Variants in ANKRD26 observed in about 807,000 individuals in gnomAD.
The protein encoded by ANKRD26 is ankyrin repeat domain-containing protein 26.
A neutral mutation model predicts 208.7 loss-of-function variants in ANKRD26; 141 were observed. The observed-to-expected ratio is 0.68, with a 90% confidence interval of 0.59 to 0.78. ANKRD26 has a LOEUF of 0.78. Ranked by LOEUF, ANKRD26 falls within the 30% of genes least tolerant of loss-of-function variation. ANKRD26 has a pLI of 0.00. For synonymous variants in ANKRD26, 636 were observed against 660.4 expected (o/e 0.96, Z 0.57); for missense variants, 1,889 against 1,938.7 (o/e 0.97, Z 0.48).
chr10:27,033,495 A>C (rs2053947739), intron 24 of ANKRD26, 118 bp from the exon 25 acceptor site: 1 of 1,021,856 alleles, frequency 9.8e-7, no homozygotes, highest in African/African-American at 1.6e-5. Flanking sequence ...ATATTACCAC[A>C]TACATTGATT....
In ANKRD26 at chr10:27,017,730, C is replaced by A. The variant is rs552031641; in HGVS notation, c.4278G>T (p.Lys1426Asn). The change falls in exon 30 of 34, where the codon AAG (lysine) becomes AAT (asparagine). Residue 1426 changes from lysine to asparagine, a missense_variant. This residue lies in a region of ANKRD26 where 613 missense variants were observed against 648.2 expected (regional missense o/e 0.95). Transcript: ENST00000376087. ...ACAACTCCTCTTGAAGAATTTGGTT[C>A]TTTGTATCCAGATGTAGACATTTTG... ...AGSKCLHLDT[K>N]NQILQEELLS... 1.2e-6 allele frequency: 2 copies of A among 1,612,962 alleles called. No individual in the cohort carries two copies. The highest frequency in any genetic ancestry group is 2.2e-5 in the East Asian group (1 of 44,766).
intron 20 of ANKRD26, among the ~76,000 whole-genome samples, chr10:27,042,602 A>G (rs1452060154): frequency 6.6e-6 from 1 of 152,090 alleles, no homozygotes; most frequent in Non-Finnish European, 1.5e-5. Context: ...AAATACAAAA[A>G]GTTTGCCAGG....
downstream of ANKRD26, among the ~76,000 whole-genome samples, chr10:26,989,010 C>T (rs2052440099): frequency 6.6e-6 from 1 of 152,016 alleles, no homozygotes; most frequent in Admixed American, 6.6e-5. Context: ...AGGACACAGC[C>T]CCCTTTTGAG....
chr10:27,020,947 C>A (rs1315034480), intron 29 of ANKRD26, among the ~76,000 whole-genome samples: 1 of 151,954 alleles, frequency 6.6e-6, no homozygotes, highest in African/African-American at 2.4e-5. Flanking sequence ...AGGCATGAGC[C>A]ACCGTACCCA....
intron 4 of ANKRD26, among the ~76,000 whole-genome samples, chr10:26,998,976 AGAG>A (rs1392687836): frequency 6.6e-6 from 1 of 152,184 alleles, no homozygotes; most frequent in African/African-American, 2.4e-5. Context: ...GGAGGCACCA[AGAG>A]GAAGTAAGTG....
At chr10:27,092,370 A>C (rs967505203) in intron 4 of ANKRD26, 36 bp downstream of exon 4, 23 of 1,506,130 alleles carry the variant, frequency 1.5e-5, no homozygotes, top group Middle Eastern at 4.5e-4. Flanking sequence ...TTAAACATAC[A>C]AGTTTAAAAA....
exon 6 of ANKRD26, among the ~76,000 whole-genome samples, chr10:26,975,300 C>G (rs1271831634): frequency 1.3e-5 from 2 of 151,820 alleles, no homozygotes; most frequent in East Asian, 3.9e-4. Flanking sequence ...GTGATCATAG[C>G]TCACTGAAGC....
At chr10:27,000,248 G>C (rs1412287192), downstream of ANKRD26, among the ~76,000 whole-genome samples, 1 of 152,198 alleles carries the variant, frequency 6.6e-6, no homozygotes, top group African/African-American at 2.4e-5. Context: ...TGCTAAGTTT[G>C]TGATGGCCTA....
At chr10:27,095,183 T>C (rs1007071770) in intron 1 of ANKRD26, among the ~76,000 whole-genome samples, 5 of 152,304 alleles carry the variant, frequency 3.3e-5, no homozygotes, top group East Asian at 1.9e-4. Flanking sequence ...TCTTATTGTG[T>C]TTTCAAGAAA....
At chr10:27,066,609 C>T in intron 10 of ANKRD26, 61 bp from the exon 11 acceptor site, 4 of 1,123,698 alleles carry the variant, frequency 3.6e-6, no homozygotes, top group African/African-American at 1.6e-5. Flanking sequence ...ATTTTAAATA[C>T]ATAATTAAAT....
intron 5 of ANKRD26, among the ~76,000 whole-genome samples, chr10:26,993,700 C>T (rs1251815582): frequency 6.6e-6 from 1 of 152,172 alleles, no homozygotes; most frequent in African/African-American, 2.4e-5. Flanking sequence ...TATTTTCTTA[C>T]ACCAGCACTG....
intron 28 of ANKRD26, among the ~76,000 whole-genome samples, chr10:27,023,103 CG>C (rs2053544143): frequency 6.6e-6 from 1 of 152,078 alleles, no homozygotes; most frequent in Admixed American, 6.5e-5. Context: ...CCGAGCCAGG[CG>C]GATCACTTGA....
At chr10:26,948,002 C>T in the ANKRD26 span, among the ~76,000 whole-genome samples, 1 of 152,030 alleles carries the variant, frequency 6.6e-6, no homozygotes, top group African/African-American at 2.4e-5. Flanking sequence ...AGTATAGTGT[C>T]GTGATCTCGG....
intron 4 of ANKRD26, among the ~76,000 whole-genome samples, chr10:27,091,759 C>A (rs528877027): frequency 1.3e-5 from 2 of 152,230 alleles, no homozygotes; most frequent in African/African-American, 2.4e-5. Context: ...AAGGCCAAGG[C>A]GGGTGGATCA....
intron 32 of ANKRD26, among the ~76,000 whole-genome samples, chr10:27,010,087 T>G (rs958602100): frequency 6.8e-6 from 1 of 146,980 alleles, no homozygotes; most frequent in African/African-American, 2.8e-5. Context: ...GCCAGAGAGC[T>G]CTACTTCTAT....
chr10:27,034,945 C>T lies in ANKRD26; in HGVS notation c.3505G>A (p.Asp1169Asn). ...TTTTGCACAATAGCATGAAACTGGT[C>T]TTGGATATTAATCACTGTCTTCTCT... ...NKEKTVINIQ[D>N]QFHAIVQKLQ... The change falls in exon 24 of 34, where the codon GAC becomes AAC. Residue 1169 changes from aspartate (D) to asparagine (N), a missense_variant. Transcript: ENST00000376087. 6.2e-7 allele frequency: 1 copy of T among 1,614,044 alleles called. No individual in the cohort carries two copies. The highest frequency in any genetic ancestry group is 8.5e-7 in the Non-Finnish European group (1 of 1,179,956).
chr10:27,038,626 G>C (rs1209649740), intron 21 of ANKRD26, among the ~76,000 whole-genome samples: 2 of 151,056 alleles, frequency 1.3e-5, no homozygotes, highest in Non-Finnish European at 2.9e-5. Context: ...ACTCCAGCCT[G>C]GGCGACAGAG....
intron 4 of ANKRD26, among the ~76,000 whole-genome samples, chr10:26,982,033 T>C (rs1203505421): frequency 1.3e-5 from 2 of 152,166 alleles, no homozygotes; most frequent in Non-Finnish European, 2.9e-5. Flanking sequence ...CACCCATGTT[T>C]TTGTCTGGCT....
At chr10:26,987,001 T>C (rs1185919330), downstream of ANKRD26, among the ~76,000 whole-genome samples, 1 of 152,200 alleles carries the variant, frequency 6.6e-6, no homozygotes, top group Non-Finnish European at 1.5e-5. Flanking sequence ...TGCAGCACTA[T>C]TCACAATAGC....
Sources: gnomAD v4.1 joint callset for allele counts (sites outside exome capture counted in the v4.1 genomes callset) on GRCh38, gnomAD v4.1.1 for gene constraint, gnomAD v4.1.1 regional missense constraint, MANE v1.5 for transcripts, NCBI Gene and HGNC (gene_info 2026-07-23, HGNC 2026-07-21) for gene names.